CACNA2D1: variants seen among roughly 807,000 people sequenced by gnomAD.
The protein encoded by CACNA2D1 is calcium voltage-gated channel auxiliary subunit alpha2delta 1.
Under a neutral mutation model 171.5 loss-of-function variants are expected in CACNA2D1, and 53 were observed. The ratio of observed to expected loss-of-function variants is 0.31; its 90% confidence interval spans 0.25 to 0.39. The LOEUF (loss-of-function observed/expected upper bound fraction) is 0.39, where lower values mean the gene tolerates loss of function less well. Among genes scored for constraint, CACNA2D1 ranks in the 10% least tolerant of loss-of-function variants. The pLI is 1.00. For missense variants in CACNA2D1, 903 were observed against 1,299.8 expected (o/e 0.69, Z 4.69); for synonymous variants, 442 against 443.1 (o/e 1.00, Z 0.03).
At chr7:82,435,277 T>A (rs949705812) in intron 1 of CACNA2D1, among the ~76,000 whole-genome samples, 1 of 152,052 alleles carries the variant, frequency 6.6e-6, no homozygotes, top group South Asian at 2.1e-4. Flanking sequence ...GACCTCATGA[T>A]CTGCCCACCT....
At chr7:82,259,431 C>T (rs1241276050) in intron 3 of CACNA2D1, among the ~76,000 whole-genome samples, 1 of 152,104 alleles carries the variant, frequency 6.6e-6, no homozygotes. Flanking sequence ...ATTCGTGTCA[C>T]ATTTGTTATT....
chr7:81,967,940 G>T (rs549070747), intron 29 of CACNA2D1, among the ~76,000 whole-genome samples: 4 of 151,600 alleles, frequency 2.6e-5, no homozygotes, highest in African/African-American at 9.6e-5. Context: ...TAAACTTGAG[G>T]TCATTCAAAC....
In CACNA2D1 at chr7:82,409,366, AT is replaced by A. The variant is rs199899950; in HGVS notation, c.95+33998del. ...TGAATGCACCTTACAGAGTTCCCCA[AT>A]TTTTTAAAGGTCTATTTCTTCTGGT... On this transcript the variant is annotated intron_variant, in intron 1 of 38. Transcript: ENST00000356860. 2.0e-5 allele frequency among the ~76,000 whole-genome samples: 3 copies of A among 152,140 alleles called. No homozygotes were observed. In the East Asian group the frequency reaches 5.8e-4, roughly 29 times the overall value.
chr7:81,955,055 A>ATT (rs1486755733), intron 38 of CACNA2D1, among the ~76,000 whole-genome samples: 1 of 152,032 alleles, frequency 6.6e-6, no homozygotes, highest in South Asian at 2.1e-4. Context: ...CAATGGACAG[A>ATT]ATTGGCTTGC....
intron 12 of CACNA2D1, among the ~76,000 whole-genome samples, chr7:82,015,509 G>A (rs911566177): frequency 1.3e-5 from 2 of 152,002 alleles, no homozygotes; most frequent in African/African-American, 4.8e-5. Flanking sequence ...TAGTGTGAAA[G>A]TATAAAAGGT....
At chr7:82,296,696 C>G (rs922686958) in intron 3 of CACNA2D1, among the ~76,000 whole-genome samples, 2 of 152,116 alleles carry the variant, frequency 1.3e-5, no homozygotes, top group Non-Finnish European at 2.9e-5. Context: ...TGTATTACCA[C>G]TGTATGTGGA....
chr7:82,232,861 C>CAAAAAAAAA (rs71093370), intron 3 of CACNA2D1, among the ~76,000 whole-genome samples: 41 of 52,446 alleles, frequency 7.8e-4, no homozygotes, highest in Middle Eastern at 0.022. Context: ...GAGATGTCTC[C>CAAAAAAAAA]AAAAAAAAAA....
chr7:82,073,256 G>A (rs546197573), intron 7 of CACNA2D1, among the ~76,000 whole-genome samples: 57 of 152,136 alleles, frequency 3.7e-4, no homozygotes, highest in Admixed American at 2.0e-4. Flanking sequence ...TGTTCTCCTT[G>A]TTTCATTTTT....
Position 81,947,808 on chromosome 7 carries a change from C to T in CACNA2D1, c.*2584G>A, listed in dbSNP as rs974505718. 1 of 151,800 alleles carries T rather than the reference C, an allele frequency of 6.6e-6. No homozygotes were observed. The highest frequency in any genetic ancestry group is 1.9e-4 in the East Asian group (1 of 5,188). The allele number at this position is 151,800 out of a possible 1,614,324, so 9.4% of individuals were successfully genotyped here. The stretch of plus-strand genomic sequence containing the variant: ...GAGTGTTACTGTCTTAAAAAATATG[C>T]TAAAAGCATGAAGACTAATATTAGT... On this transcript the variant is annotated 3_prime_UTR_variant, in exon 39 of 39. Transcript: ENST00000356860.
At chr7:81,981,869 A>G (rs1796472297) in intron 24 of CACNA2D1, among the ~76,000 whole-genome samples, 1 of 152,194 alleles carries the variant, frequency 6.6e-6, no homozygotes, top group South Asian at 2.1e-4. Flanking sequence ...AAGCAATGCC[A>G]CTGTAAACAT....
chr7:82,431,595 T>C (rs942680671), intron 1 of CACNA2D1, among the ~76,000 whole-genome samples: 1 of 152,168 alleles, frequency 6.6e-6, no homozygotes, highest in Non-Finnish European at 1.5e-5. Flanking sequence ...CAGGTAAGTG[T>C]AGGAATCTAG....
chr7:82,044,179 C>T (rs904308654), intron 10 of CACNA2D1, among the ~76,000 whole-genome samples: 1 of 152,180 alleles, frequency 6.6e-6, no homozygotes, highest in Middle Eastern at 3.2e-3. Flanking sequence ...GCCACTGTAT[C>T]CAGCTCTCAA....
chr7:82,402,268 A>G (rs1039707614), intron 1 of CACNA2D1, among the ~76,000 whole-genome samples: 2 of 152,256 alleles, frequency 1.3e-5, no homozygotes, highest in African/African-American at 4.8e-5. Context: ...AGTAGCAATT[A>G]CCATAAAATT....
intron 1 of CACNA2D1, among the ~76,000 whole-genome samples, chr7:82,420,388 T>C (rs1483293710): frequency 2.6e-5 from 4 of 152,222 alleles, no homozygotes; most frequent in Admixed American, 2.6e-4. Context: ...ATCTACAAAA[T>C]GCAAAACTAA....
intron 10 of CACNA2D1, among the ~76,000 whole-genome samples, chr7:82,048,047 A>AC (rs754832418): frequency 2.0e-5 from 3 of 152,180 alleles, no homozygotes; most frequent in Non-Finnish European, 4.4e-5. Flanking sequence ...CATCTACAAG[A>AC]CATTCACTAG....
intron 1 of CACNA2D1, among the ~76,000 whole-genome samples, chr7:82,368,234 G>C (rs184223151): frequency 2.6e-5 from 4 of 152,300 alleles, no homozygotes; most frequent in African/African-American, 9.6e-5. Context: ...CCAAAGGATT[G>C]TAGAAGTATT....
intron 10 of CACNA2D1, among the ~76,000 whole-genome samples, chr7:82,040,587 A>T (rs542903649): frequency 6.6e-5 from 10 of 152,250 alleles, no homozygotes; most frequent in African/African-American, 1.9e-4. Context: ...CCATGGAAAC[A>T]GGAGAGAAAT....
intron 18 of CACNA2D1, 27 bp downstream of exon 18, chr7:82,005,396 A>G (rs1177704644): frequency 3.8e-6 from 5 of 1,328,422 alleles, no homozygotes; most frequent in Non-Finnish European, 4.3e-6. Flanking sequence ...CAAAACACTA[A>G]TCACTGTAAA....
intron 3 of CACNA2D1, among the ~76,000 whole-genome samples, chr7:82,285,640 T>C (rs1384371123): frequency 7.2e-5 from 11 of 152,178 alleles, no homozygotes; most frequent in Admixed American, 2.0e-4. Flanking sequence ...TGTAACATTT[T>C]AAAATTGAAC....
Sources: allele counts gnomAD v4.1 joint callset (sites outside exome capture counted in the v4.1 genomes callset), GRCh38; gene constraint gnomAD v4.1.1; transcripts MANE v1.5; gene names NCBI Gene and HGNC (gene_info 2026-07-23, HGNC 2026-07-21).